Variants in BLTP3A observed in about 807,000 individuals in gnomAD.
BLTP3A encodes ICBP90 binding protein 1.
chr6:34,850,350 A>G, the BLTP3A span, among the ~76,000 whole-genome samples: 28 of 152,230 alleles, frequency 1.8e-4, no homozygotes, highest in African/African-American at 6.3e-4. Flanking sequence ...TCTGGATTAA[A>G]TATGCTTGTA....
the BLTP3A span, among the ~76,000 whole-genome samples, chr6:34,811,326 C>T: frequency 2.8e-4 from 42 of 152,224 alleles, no homozygotes; most frequent in African/African-American, 1.0e-3. Flanking sequence ...TCAGAATAAT[C>T]TGAACAAATG....
chr6:34,839,282 C>G, the BLTP3A span, among the ~76,000 whole-genome samples: 8 of 152,178 alleles, frequency 5.3e-5, no homozygotes, highest in Non-Finnish European at 1.0e-4. Context: ...GAATAATTCT[C>G]AGCCTACCAT....
At chr6:34,839,115 T>G in the BLTP3A span, among the ~76,000 whole-genome samples, 3 of 152,232 alleles carry the variant, frequency 2.0e-5, no homozygotes, top group Admixed American at 6.5e-5. Context: ...CTGGGCATGG[T>G]GGCACATGCC....
At chr6:34,855,814 A>T in the BLTP3A span, 2 of 1,555,564 alleles carry the variant, frequency 1.3e-6, no homozygotes, top group South Asian at 2.4e-5. Context: ...ATTGCAGTGC[A>T]TGCTCAGAGG....
At chr6:34,859,915 C>T in the BLTP3A span, among the ~76,000 whole-genome samples, 162 of 152,090 alleles carry the variant, frequency 1.1e-3, no homozygotes, top group African/African-American at 3.7e-3. Flanking sequence ...GCTTGCTTCA[C>T]AATTATTGAT....
the BLTP3A span, among the ~76,000 whole-genome samples, chr6:34,818,011 G>A: frequency 1.3e-5 from 2 of 151,986 alleles, no homozygotes; most frequent in African/African-American, 2.4e-5. Context: ...GCGCCACCAC[G>A]ACCGGCTAAT....
chr6:34,863,332 A>G, the BLTP3A span, among the ~76,000 whole-genome samples: 2 of 152,140 alleles, frequency 1.3e-5, no homozygotes, highest in Non-Finnish European at 2.9e-5. Context: ...TTTTAACTTT[A>G]TCTTCCATTG....
the BLTP3A span, chr6:34,858,635 TC>T: frequency 2.5e-6 from 4 of 1,614,200 alleles, no homozygotes; most frequent in Non-Finnish European, 3.4e-6. Flanking sequence ...GGAAGTCCTG[TC>T]CAGTCTGAGG....
chr6:34,841,912 A>G, the BLTP3A span, among the ~76,000 whole-genome samples: 8 of 152,184 alleles, frequency 5.3e-5, no homozygotes, highest in Non-Finnish European at 1.2e-4. Context: ...TCTTAGGGTA[A>G]AGCCTGTTAG....
At chr6:34,873,227 T>C in the BLTP3A span, 1 of 152,178 alleles carries the variant, frequency 6.6e-6, no homozygotes, top group African/African-American at 2.4e-5. Context: ...GTTGGTGGCA[T>C]GATATGCCAG....
At chr6:34,792,091 G>A in the BLTP3A span, 20 of 516,058 alleles carry the variant, frequency 3.9e-5, no homozygotes, top group Non-Finnish European at 5.8e-5. Flanking sequence ...TCGTGGCGGA[G>A]CGCCAGGCGC....
the BLTP3A span, chr6:34,858,024 T>C: frequency 7.3e-5 from 113 of 1,556,518 alleles, no homozygotes; most frequent in African/African-American, 1.4e-3. Flanking sequence ...AGTAAGAAAA[T>C]AGTTTCACAG....
At chr6:34,814,151 G>A in the BLTP3A span, among the ~76,000 whole-genome samples, 1 of 152,076 alleles carries the variant, frequency 6.6e-6, no homozygotes, top group East Asian at 1.9e-4. Context: ...CAAGTAGCTG[G>A]GATTACAGGT....
chr6:34,794,903 GC>G, the BLTP3A span, among the ~76,000 whole-genome samples: 3 of 151,704 alleles, frequency 2.0e-5, no homozygotes, highest in South Asian at 6.2e-4. Flanking sequence ...CCCTGCCTTA[GC>G]CTCCTGAGTA....
the BLTP3A span, among the ~76,000 whole-genome samples, chr6:34,832,034 C>T: frequency 2.6e-5 from 4 of 151,870 alleles, no homozygotes; most frequent in South Asian, 6.2e-4. Context: ...AGGATGGTCT[C>T]GATCTCTTGA....
the BLTP3A span, among the ~76,000 whole-genome samples, chr6:34,846,546 T>C: frequency 6.6e-6 from 1 of 152,216 alleles, no homozygotes; most frequent in Non-Finnish European, 1.5e-5. Context: ...GGTTACTCTC[T>C]TGATTTCTTT....
At chr6:34,866,689 T>G in the BLTP3A span, among the ~76,000 whole-genome samples, 1 of 152,182 alleles carries the variant, frequency 6.6e-6, no homozygotes, top group Non-Finnish European at 1.5e-5. Flanking sequence ...CTGCAGGATG[T>G]TTTTCTTCTT....
chr6:34,853,272 G>T, the BLTP3A span, among the ~76,000 whole-genome samples: 1 of 152,098 alleles, frequency 6.6e-6, no homozygotes, highest in Non-Finnish European at 1.5e-5. Context: ...AAACTCTCAG[G>T]CTCAGGGGAT....
the BLTP3A span, among the ~76,000 whole-genome samples, chr6:34,826,307 C>T: frequency 6.6e-6 from 1 of 151,912 alleles, no homozygotes; most frequent in African/African-American, 2.4e-5. Context: ...CAGGCGTGAG[C>T]CACCGCACCT....
Sources: gnomAD v4.1 joint callset for allele counts (sites outside exome capture counted in the v4.1 genomes callset) on GRCh38, gnomAD v4.1.1 for gene constraint, MANE v1.5 for transcripts, NCBI Gene and HGNC (gene_info 2026-07-23, HGNC 2026-07-21) for gene names.